Variants in TEK observed in about 807,000 individuals in gnomAD.
TEK encodes angiopoietin-1 receptor.
Under a neutral mutation model 131.8 loss-of-function variants are expected in TEK, and 43 were observed. That is an observed-to-expected ratio of 0.33 (90% CI 0.26 to 0.42). TEK has a LOEUF of 0.42. Among genes scored for constraint, TEK ranks in the 10% least tolerant of loss-of-function variants. The probability of loss-of-function intolerance (pLI) is 1.00; values close to 1 mark genes in which losing one functional copy is unlikely to be tolerated. For missense variants in TEK, 1,162 were observed against 1,384.4 expected (o/e 0.84, Z 2.55); for synonymous variants, 580 against 491.6 (o/e 1.18, Z -2.38).
intron 1 of TEK, among the ~76,000 whole-genome samples, chr9:27,122,149 T>C (rs1186134643): frequency 6.6e-6 from 1 of 152,240 alleles, no homozygotes; most frequent in Admixed American, 6.5e-5. Context: ...TAGCATCTAC[T>C]GAACCCTTTT....
chr9:27,133,345 G>A (rs1822293093), intron 1 of TEK, among the ~76,000 whole-genome samples: 1 of 152,172 alleles, frequency 6.6e-6, no homozygotes, highest in Non-Finnish European at 1.5e-5. Flanking sequence ...CATCAAAAGG[G>A]CATCTTTCAA....
chr9:27,148,709 G>A (rs1199676129), intron 1 of TEK, among the ~76,000 whole-genome samples: 1 of 152,162 alleles, frequency 6.6e-6, no homozygotes, highest in African/African-American at 2.4e-5. Flanking sequence ...GCAAAATATT[G>A]TGACCACTTT....
intron 1 of TEK, among the ~76,000 whole-genome samples, chr9:27,122,852 GAC>G (rs1376570472): frequency 6.6e-6 from 1 of 151,596 alleles, no homozygotes; most frequent in Non-Finnish European, 1.5e-5. Flanking sequence ...AGGAGATCGA[GAC>G]CATCCTGGCT....
intron 21 of TEK, among the ~76,000 whole-genome samples, chr9:27,224,129 T>A (rs10812537): frequency 0.54 from 81,714 of 151,892 alleles, 22,285 homozygotes; most frequent in South Asian, 0.58. Context: ...ATAGCTTACC[T>A]ACCAAAAAAA....
At chr9:27,177,357 C>T (rs373126296) in intron 6 of TEK, among the ~76,000 whole-genome samples, 34 of 152,298 alleles carry the variant, frequency 2.2e-4, no homozygotes, top group African/African-American at 6.5e-4. Context: ...TTCTAGCAGG[C>T]GTGATGTGAT....
intron 1 of TEK, among the ~76,000 whole-genome samples, chr9:27,137,831 AT>A (rs113457319): frequency 0.011 from 1,716 of 151,962 alleles, 40 homozygotes; most frequent in African/African-American, 0.039. Flanking sequence ...TCCTGGTTGT[AT>A]TAGTTCTTTT....
chr9:27,182,544 A>G (rs564718377), intron 7 of TEK, among the ~76,000 whole-genome samples: 1 of 152,268 alleles, frequency 6.6e-6, no homozygotes, highest in Admixed American at 6.5e-5. Flanking sequence ...TCAGTATAAA[A>G]TATCATTATT....
At chr9:27,202,470 T>A (rs1825251215) in intron 12 of TEK, among the ~76,000 whole-genome samples, 2 of 152,210 alleles carry the variant, frequency 1.3e-5, no homozygotes, top group African/African-American at 4.8e-5. Context: ...TACAAGAGAC[T>A]AGATCAATGC....
chr9:27,117,485 C>T (rs751065541), intron 1 of TEK, among the ~76,000 whole-genome samples: 1 of 152,228 alleles, frequency 6.6e-6, no homozygotes, highest in Middle Eastern at 3.4e-3. Flanking sequence ...CCCAGCCCCA[C>T]CCCCATTGTC....
intron 6 of TEK, among the ~76,000 whole-genome samples, chr9:27,177,905 C>G (rs1429144073): frequency 2.0e-5 from 3 of 152,106 alleles, no homozygotes; most frequent in African/African-American, 7.2e-5. Flanking sequence ...TTCTCTTGTT[C>G]CATACATTGT....
chr9:27,137,270 AT>A (rs1822496589), intron 1 of TEK, among the ~76,000 whole-genome samples: 2 of 152,152 alleles, frequency 1.3e-5, no homozygotes, highest in Admixed American at 6.5e-5. Context: ...TACCCTATGC[AT>A]TTCACATTGT....
Position 27,192,626 on chromosome 9 carries a change from C to T in TEK, c.1624+3C>T. 6.3e-7 allele frequency: 1 copy of T among 1,583,234 alleles called. No individual in the cohort carries two copies. The highest frequency in any genetic ancestry group is 8.6e-7 in the Non-Finnish European group (1 of 1,163,360). ...ACGCTTCACAACAGCTTCTATCGGT[C>T]AGTGGAAGCCAACAGGCATTTATTC... is the stretch of plus-strand genomic sequence containing the variant. On this transcript the variant is annotated splice_donor_region_variant and intron_variant, in intron 11 of 22. Transcript: ENST00000380036.
chr9:27,113,550 T>C (rs1284659637), intron 1 of TEK, among the ~76,000 whole-genome samples: 1 of 152,108 alleles, frequency 6.6e-6, no homozygotes, highest in Non-Finnish European at 1.5e-5. Flanking sequence ...ATCACGCCAT[T>C]GTACTCCAGC....
chr9:27,183,736 T>C (rs1184475027), intron 8 of TEK, 126 bp downstream of exon 8: 2 of 1,287,300 alleles, frequency 1.6e-6, no homozygotes, highest in East Asian at 4.6e-5. Flanking sequence ...TTGGCTTTGA[T>C]AAAATGCCCT....
intron 21 of TEK, among the ~76,000 whole-genome samples, chr9:27,226,831 C>T: frequency 6.6e-6 from 1 of 152,100 alleles, no homozygotes; most frequent in East Asian, 1.9e-4. Context: ...TGTAGTGATA[C>T]CAGCATTCCC....
At chr9:27,191,988 C>A in intron 10 of TEK, 2 of 455,252 alleles carry the variant, frequency 4.4e-6, no homozygotes, top group Non-Finnish European at 8.8e-6. Flanking sequence ...GAGACAGATA[C>A]CATTTGTTTA....
chr9:27,218,860 G>A (rs1269367109), intron 20 of TEK, 43 bp downstream of exon 20: 1 of 1,589,106 alleles, frequency 6.3e-7, no homozygotes, highest in Non-Finnish European at 8.6e-7. Flanking sequence ...TCTAGGCAAA[G>A]TGAGTGGAAG....
In TEK at chr9:27,228,656, G is replaced by C. The variant is rs530466178; in HGVS notation, c.3300+351G>C. Among the ~76,000 whole-genome samples, 3 of 152,288 alleles carry C rather than the reference G, an allele frequency of 2.0e-5. No homozygotes were observed. The South Asian group carries it at 6.2e-4, about 32-fold the overall frequency. The stretch of plus-strand genomic sequence containing the variant: ...AAGGACACACAGCAAGTAGACAACA[G>C]AGCCTGACCTGCAGGTTACTATAAT... On this transcript the variant is annotated intron_variant, in intron 22 of 22. Transcript: ENST00000380036.
chr9:27,206,837 A>G (rs1825416934), intron 15 of TEK, 45 bp downstream of exon 15: 2 of 1,592,874 alleles, frequency 1.3e-6, no homozygotes, highest in Non-Finnish European at 1.7e-6. Flanking sequence ...GAGGGTGTGG[A>G]GAAAACTTGA....
Sources: gnomAD v4.1 joint callset for allele counts (sites outside exome capture counted in the v4.1 genomes callset) on GRCh38, gnomAD v4.1.1 for gene constraint, MANE v1.5 for transcripts, NCBI Gene and HGNC (gene_info 2026-07-23, HGNC 2026-07-21) for gene names.